The following ACACB variants were observed in gnomAD, a reference collection of about 807,000 sequenced individuals.
The protein encoded by ACACB is acetyl-CoA carboxylase beta.
In ACACB, 209 loss-of-function variants were observed where a neutral mutation model predicts 278.8. The observed-to-expected ratio is 0.75, with a 90% confidence interval of 0.67 to 0.84. The LOEUF (loss-of-function observed/expected upper bound fraction) is 0.84. ACACB is among the 40% of genes least tolerant of loss of function. The probability of loss-of-function intolerance (pLI) is 0.00; values close to 1 mark genes in which losing one functional copy is unlikely to be tolerated. For missense variants in ACACB, 2,850 were observed against 3,269.0 expected (o/e 0.87, Z 3.13); for synonymous variants, 1,174 against 1,285.6 (o/e 0.91, Z 1.86).
At chr12:109,151,470 A>C (rs2043374383) in intron 2 of ACACB, among the ~76,000 whole-genome samples, 1 of 148,730 alleles carries the variant, frequency 6.7e-6, no homozygotes, top group Non-Finnish European at 1.5e-5. Context: ...AGTCCCCCCC[A>C]CCCCATATAT....
At position 109,167,117 on chromosome 12, in the gene ACACB, C is replaced by T. The variant is rs1056657703; in HGVS notation, c.786+124C>T. ...CCTGCTGCAGAGAGGGGGTGAGGGC[C>T]ACGCTCCTCTGAGTTTTAATAGTTT... is the stretch of plus-strand genomic sequence containing the variant. On this transcript the variant is annotated intron_variant, in intron 3 of 52. Transcript: ENST00000338432. 39 of 1,256,168 alleles carry T rather than the reference C, an allele frequency of 3.1e-5. No individual in the cohort carries two copies. The Admixed American group carries it at 8.0e-4, about 26-fold the overall frequency. 77.8% of individuals were successfully genotyped at this position (1,256,168 alleles called of 1,614,324 possible).
chr12:109,232,850 T>C (rs1167000636), intron 29 of ACACB, 44 bp downstream of exon 29: 1 of 1,608,984 alleles, frequency 6.2e-7, no homozygotes, highest in Non-Finnish European at 8.5e-7. Context: ...GCATGGGGGC[T>C]GGGCAGACTT....
In ACACB at chr12:109,138,516, G is replaced by A. The variant is rs561887864; in HGVS notation, c.-9-881G>A. 2.6e-5 allele frequency among the ~76,000 whole-genome samples: 4 copies of A among 151,812 alleles called. No homozygotes were observed. In the East Asian group the frequency reaches 7.7e-4, roughly 29 times the overall value. On this transcript the variant is annotated intron_variant, in intron 1 of 52. Coordinates refer to ENST00000338432, the MANE Select transcript of ACACB (RefSeq NM_001093.4). ...ATAATACTAGAATGATGATGATGAT[G>A]ACAGAAGCAACAATTCCCTTTCATT...
intron 1 of ACACB, among the ~76,000 whole-genome samples, chr12:109,123,377 GTTTA>G (rs2042598818): frequency 6.6e-6 from 1 of 151,424 alleles, no homozygotes; most frequent in Non-Finnish European, 1.5e-5. Flanking sequence ...TTGTTTGTTT[GTTTA>G]TTTGTTTGTT....
intron 21 of ACACB, among the ~76,000 whole-genome samples, chr12:109,211,960 G>A (rs2045862270): frequency 6.6e-6 from 1 of 152,122 alleles, no homozygotes; most frequent in Non-Finnish European, 1.5e-5. Context: ...AACATTATGT[G>A]TAATGATAAA....
At position 109,139,675 on chromosome 12, in the gene ACACB, C is replaced by A; in HGVS notation, c.270C>A (p.Asn90Lys). 1.2e-6 allele frequency: 2 copies of A among 1,614,098 alleles called. No individual in the cohort carries two copies. The highest frequency in any genetic ancestry group is 1.1e-5 in the South Asian group (1 of 91,082). ...KGPKDAGRRRNSLPPSHQKPP... is the reference protein window; with the variant it reads ...KGPKDAGRRRKSLPPSHQKPP... ...CCAAAGATGCCGGTCGGCGGAGAAA[C>A]TCCCTACCACCCTCCCACCAGAAGC... The change falls in exon 2 of 53, where the codon AAC (asparagine) becomes AAA (lysine). Residue 90 changes from asparagine to lysine, a missense_variant. This residue lies in a region of ACACB where 2,265 missense variants were observed against 2,561.3 expected (regional missense o/e 0.88). Transcript: ENST00000338432.
chr12:109,186,902 C>T (rs2268403), intron 12 of ACACB, among the ~76,000 whole-genome samples: 27,023 of 151,960 alleles, frequency 0.18, 2,840 homozygotes, highest in East Asian at 0.44. Context: ...ACATACCTCT[C>T]CCCAAATCCT....
Position 109,235,305 on chromosome 12 carries a change from T to G in ACACB, c.4348-8T>G, listed in dbSNP as rs1290869223. 6.2e-7 allele frequency: 1 copy of G among 1,613,820 alleles called. No homozygotes were observed. The highest frequency in any genetic ancestry group is 8.5e-7 in the Non-Finnish European group (1 of 1,179,702). On this transcript the variant is annotated splice_region_variant and splice_polypyrimidine_tract_variant and intron_variant, in intron 31 of 52. Coordinates refer to ENST00000338432, the MANE Select transcript of ACACB (RefSeq NM_001093.4). The stretch of plus-strand genomic sequence containing the variant: ...AATATTCCATTGTGTCTTTGGTTTT[T>G]AATGCAGAAAAATATCCTTGTGGAT...
At chr12:109,209,802 T>C (rs1319873963) in intron 21 of ACACB, among the ~76,000 whole-genome samples, 1 of 147,764 alleles carries the variant, frequency 6.8e-6, no homozygotes, top group Non-Finnish European at 1.5e-5. Context: ...TGTATATATA[T>C]ATACACACAC....
rs780338785 is a variant in ACACB, at chr12:109,222,587, C to T, written c.3645C>T (p.Ser1215=). 24 of 1,614,062 alleles carry T rather than the reference C, an allele frequency of 1.5e-5. No homozygotes were observed. The highest frequency in any genetic ancestry group is 1.6e-4 in the Middle Eastern group (1 of 6,084). Residue 1215 remains serine (S), a synonymous_variant, in exon 25 of 53, where the codon AGC becomes AGT. Coordinates refer to ENST00000338432, the MANE Select transcript of ACACB (RefSeq NM_001093.4). The part of the protein sequence containing the change: ...ILNELTQLSK[S]EHCKVALRAR... ...ACGAGCTCACTCAGCTGAGCAAAAG[C>T]GAGCACTGCAAAGTGGCCCTCAGAG...
At chr12:109,166,572 C>T (rs935942177) in intron 2 of ACACB, among the ~76,000 whole-genome samples, 2 of 143,092 alleles carry the variant, frequency 1.4e-5, no homozygotes, top group Non-Finnish European at 3.0e-5. Context: ...TCCCAGCTAC[C>T]CAAGGAGGTC....
intron 18 of ACACB, among the ~76,000 whole-genome samples, chr12:109,199,949 G>A (rs1193038356): frequency 1.3e-5 from 2 of 151,002 alleles, no homozygotes; most frequent in African/African-American, 2.4e-5. Context: ...GGAGGATGGC[G>A]TGAACCCAGG....
chr12:109,154,522 T>A (rs1273523849), intron 2 of ACACB, among the ~76,000 whole-genome samples: 1 of 151,698 alleles, frequency 6.6e-6, no homozygotes, highest in East Asian at 1.9e-4. Flanking sequence ...GCAGCTCATT[T>A]CGGCTGCCGA....
intron 41 of ACACB, 120 bp from the exon 42 acceptor site, chr12:109,251,926 G>A: frequency 1.6e-6 from 1 of 642,668 alleles, no homozygotes; most frequent in Non-Finnish European, 2.5e-6. Flanking sequence ...TCCAAATCGG[G>A]TTGCCATTGG....
intron 1 of ACACB, among the ~76,000 whole-genome samples, chr12:109,133,863 ATTT>A (rs67896522): frequency 1.7e-3 from 121 of 70,412 alleles, no homozygotes; most frequent in African/African-American, 8.9e-3. Context: ...ATATATATAT[ATTT>A]TTTTTTTTTT....
In ACACB at chr12:109,144,709, G is replaced by A. The variant is rs562870497; in HGVS notation, c.653+4651G>A. 1.8e-4 allele frequency among the ~76,000 whole-genome samples: 28 copies of A among 151,796 alleles called. 1 individual carries two copies. Among genetic ancestry groups the A allele is most frequent in the African/African-American group, 6.3e-4 (26 of 41,402 alleles). Reference sequence around the variant, plus strand: ...GAAGAAAGCAGAAACAAGGGACAAAGGGGAGCTTCATAGTTTCTTTCTTTT... The same window carrying A: ...GAAGAAAGCAGAAACAAGGGACAAAAGGGAGCTTCATAGTTTCTTTCTTTT... On this transcript the variant is annotated intron_variant, in intron 2 of 52. Coordinates refer to ENST00000338432, the MANE Select transcript of ACACB (RefSeq NM_001093.4).
At position 109,241,060 on chromosome 12, in the gene ACACB, T is replaced by C. The variant is rs757737206; in HGVS notation, c.4819-18T>C. The C allele has an allele frequency of 6.2e-6, 10 of 1,610,062 alleles. No individual in the cohort carries two copies. In the African/African-American group the frequency reaches 1.1e-4, roughly 17 times the overall value. Reference sequence around the variant, plus strand: ...GATGTCTTGGCCCTGAAACTGGAATTGCTGTGTTTTGGGGCAGATCGAGGA... The same window carrying C: ...GATGTCTTGGCCCTGAAACTGGAATCGCTGTGTTTTGGGGCAGATCGAGGA... On this transcript the variant is annotated intron_variant, in intron 35 of 52. Transcript: ENST00000338432.
At chr12:109,140,256 ATCCTTCCTTCCTTCTTTCCTTCCT>A (rs1331835253) in intron 2 of ACACB, among the ~76,000 whole-genome samples, 198 bp downstream of exon 2, 11,511 of 83,310 alleles carry the variant, frequency 0.14, 2,226 homozygotes, top group Middle Eastern at 0.19. Flanking sequence ...CCTTCCTTCC[ATCCTTCCTTCCTTCTTTCCTTCCT>A]TCCTTCCTTC....
At chr12:109,151,258 C>A (rs1275448445) in intron 2 of ACACB, among the ~76,000 whole-genome samples, 1 of 152,134 alleles carries the variant, frequency 6.6e-6, no homozygotes, top group Non-Finnish European at 1.5e-5. Context: ...GCTGGGATTA[C>A]AGGTGTGAGC....
Sources: gnomAD v4.1 joint callset for allele counts (sites outside exome capture counted in the v4.1 genomes callset) on GRCh38, gnomAD v4.1.1 for gene constraint, gnomAD v4.1.1 regional missense constraint, MANE v1.5 for transcripts, NCBI Gene and HGNC (gene_info 2026-07-23, HGNC 2026-07-21) for gene names.